Variants in INSRR observed in about 807,000 individuals in gnomAD.
INSRR encodes the protein insulin receptor-related protein.
INSRR carries 114 observed loss-of-function variants against 130.0 expected under a neutral mutation model. That is an observed-to-expected ratio of 0.88 (90% CI 0.75 to 1.02). The LOEUF (loss-of-function observed/expected upper bound fraction) is 1.02. INSRR is among the 50% of genes least tolerant of loss of function. The pLI is 0.00. For missense variants in INSRR, 1,657 were observed against 1,735.2 expected (o/e 0.95, Z 0.80); for synonymous variants, 674 against 705.2 (o/e 0.96, Z 0.70).
intron 7 of INSRR, 40 bp from the exon 8 acceptor site, chr1:156,846,797 C>T (rs368291538): frequency 1.5e-5 from 23 of 1,534,328 alleles, no homozygotes; most frequent in Non-Finnish European, 2.1e-5. Flanking sequence ...CATTCAACCC[C>T]ACCCTCAAGT....
At chr1:156,850,466 C>A (rs1655162972) in intron 5 of INSRR, among the ~76,000 whole-genome samples, 1 of 151,524 alleles carries the variant, frequency 6.6e-6, no homozygotes, top group Non-Finnish European at 1.5e-5. Flanking sequence ...TCCTGCCTTG[C>A]CCTCCCAAAG....
intron 21 of INSRR, 28 bp downstream of exon 21, chr1:156,841,366 T>C: frequency 1.9e-6 from 3 of 1,607,946 alleles, no homozygotes; most frequent in Non-Finnish European, 2.6e-6. Flanking sequence ...AGATCAACAA[T>C]GAGGAAGGGG....
Position 156,858,625 on chromosome 1 carries a change from C to T in INSRR, c.-4G>A, listed in dbSNP as rs1231330694. ...GCCACAGACTAGGCACTGCCATTGT[C>T]CCAGCCCTGGCTTGTGTCCAGTCCC... On this transcript the variant is annotated 5_prime_UTR_variant, in exon 1 of 22. Coordinates refer to ENST00000368195, the MANE Select transcript of INSRR (RefSeq NM_014215.3). 6.2e-6 allele frequency: 10 copies of T among 1,613,750 alleles called. No individual in the cohort carries two copies. Among genetic ancestry groups the T allele is most frequent in the Non-Finnish European group, 8.5e-7 (1 of 1,179,702 alleles).
Position 156,841,075 on chromosome 1 carries a change from G to C in INSRR, c.3692C>G (p.Pro1231Arg), listed in dbSNP as rs778994457. The C allele has an allele frequency of 1.3e-6, 2 of 1,570,624 alleles. No homozygotes were observed. Among genetic ancestry groups the C allele is most frequent in the Non-Finnish European group, 1.7e-6 (2 of 1,157,632 alleles). ...LQELMSRCWQ[P>R]NPRLRPSFTH... is the part of the protein sequence containing the mutation. ...GAAAGATGGGCGCAGGCGTGGGTTC[G>C]GCTGCCAGCAGCGGCTCATCAGCTC... Residue 1231 changes from proline (P) to arginine (R), a missense_variant, in exon 22 of 22, where the codon CCG (proline) becomes CGG (arginine). By Grantham distance (103) the Pro-to-Arg change is moderately radical. Coordinates refer to ENST00000368195, the MANE Select transcript of INSRR (RefSeq NM_014215.3).
chr1:156,844,341 T>C (rs1571658948), intron 14 of INSRR, 61 bp from the exon 15 acceptor site: 1 of 1,554,102 alleles, frequency 6.4e-7, no homozygotes, highest in East Asian at 2.3e-5. Context: ...GGGAAGGTCA[T>C]GCTTCTCTTT....
At chr1:156,853,698 C>G (rs938862822) in intron 2 of INSRR, 54 bp downstream of exon 2, 36 of 1,528,500 alleles carry the variant, frequency 2.4e-5, no homozygotes, top group Admixed American at 3.6e-5. Context: ...CACCCAGCCC[C>G]ATGTGACCCT....
chr1:156,846,654 C>T lies in INSRR; in HGVS notation c.1675G>A (p.Gly559Arg), dbSNP rs1309275658. ...ELPLSRTQEP[G>R]VTLASLKPWT... Reference sequence around the variant, plus strand: ...GGCTTGAGGGAGGCTAGGGTCACCCCTGGCTCCTGGGTGCGGCTTAGGGGC... The same window carrying T: ...GGCTTGAGGGAGGCTAGGGTCACCCTTGGCTCCTGGGTGCGGCTTAGGGGC... Residue 559 changes from glycine (G) to arginine (R), a missense_variant, in exon 8 of 22, where the codon GGG becomes AGG. By Grantham distance (125) the Gly-to-Arg change is moderately radical (BLOSUM62 -2). Transcript: ENST00000368195. The T allele has an allele frequency of 1.2e-6, 2 of 1,614,194 alleles. No individual in the cohort carries two copies. The highest frequency in any genetic ancestry group is 1.7e-6 in the Non-Finnish European group (2 of 1,180,022).
Position 156,850,530 on chromosome 1 carries a change from CA to C in INSRR, c.1229+759del, listed in dbSNP as rs1401352954. On this transcript the variant is annotated intron_variant, in intron 5 of 21. Transcript: ENST00000368195. ...GCCCGACCTGGATGGTAATTTAAAA[CA>C]TTCTTTTTTTTTTTTTTTTTTTTTT... Among the ~76,000 whole-genome samples, 190 of 107,160 alleles carry C rather than the reference CA, an allele frequency of 1.8e-3. 2 individuals are homozygous for C. Among genetic ancestry groups the C allele is most frequent in the African/African-American group, 7.1e-3 (184 of 25,896 alleles). The allele number at this position is 107,160 out of a possible 152,430, so 70.3% of individuals were successfully genotyped here.
chr1:156,845,772 C>T lies in INSRR; in HGVS notation c.2021G>A (p.Gly674Asp). The change falls in exon 10 of 22, where the codon GGC (glycine) becomes GAC (aspartate). Residue 674 changes from glycine (G) to aspartate (D), a missense_variant. Transcript: ENST00000368195. ...CTCGGCCTCAGGATCCCCGTCTTCG[C>T]CGTCGAAGCGCGGATCGTTGTTGCT... Reference protein sequence around the residue: ...PTSNNDPRFDGEDGDPEAEME... With the variant: ...PTSNNDPRFDDEDGDPEAEME... 7 of 1,613,310 alleles carry T rather than the reference C, an allele frequency of 4.3e-6. No individual in the cohort carries two copies. Among genetic ancestry groups the T allele is most frequent in the Non-Finnish European group, 5.9e-6 (7 of 1,179,962 alleles).
rs1481153772 is a variant in INSRR, at chr1:156,853,771, G to A, written c.618C>T (p.Thr206=). The A allele has an allele frequency of 6.2e-7, 1 of 1,601,892 alleles. No homozygotes were observed. Among genetic ancestry groups the A allele is most frequent in the Admixed American group, 1.7e-5 (1 of 59,810 alleles). The change falls in exon 2 of 22, where the codon ACC becomes ACT. Residue 206 remains threonine, a synonymous_variant. Transcript: ENST00000368195. ...FSGHTDYRCW[T]SSHCQRVCPC... is the part of the protein sequence containing the mutation. Reference sequence around the variant, plus strand: ...GCCCACCTCTCTGGCAGTGGCTGGAGGTCCAGCATCTGTAGTCAGTGTGCC... The same window carrying A: ...GCCCACCTCTCTGGCAGTGGCTGGAAGTCCAGCATCTGTAGTCAGTGTGCC...
rs1655308129 is a variant in INSRR, at chr1:156,853,686, G to A, written c.637+66C>T. On this transcript the variant is annotated intron_variant, in intron 2 of 21. Transcript: ENST00000368195. ...AAGTACTGACCCACACCATCCTGTG[G>A]CCACCCAGCCCCATGTGACCCTGCT... 10 of 1,483,514 alleles carry A rather than the reference G, an allele frequency of 6.7e-6. No homozygotes were observed. In the South Asian group the frequency reaches 1.1e-4, roughly 17 times the overall value. The allele number at this position is 1,483,514 out of a possible 1,614,324, so 91.9% of individuals were successfully genotyped here.
At position 156,851,900 on chromosome 1, in the gene INSRR, C is replaced by T. The variant is rs199625191; in HGVS notation, c.929G>A (p.Arg310His). The T allele has an allele frequency of 2.1e-5, 33 of 1,585,038 alleles. No individual in the cohort carries two copies. The highest frequency in any genetic ancestry group is 4.5e-5 in the East Asian group (2 of 44,418). Residue 310 changes from arginine (R) to histidine (H), a missense_variant, in exon 3 of 22, where the codon CGT (arginine) becomes CAT (histidine). Transcript: ENST00000368195. ...CLAQCPSGFT[R>H]NSSSIFCHKC... ...TCCCTACACTCACCTGCTGCTATTA[C>T]GGGTGAAGCCAGAAGGGCACTGGGC...
At chr1:156,845,456 A>G (rs768437998) in intron 10 of INSRR, 43 bp from the exon 11 acceptor site, 2 of 1,523,338 alleles carry the variant, frequency 1.3e-6, no homozygotes, top group Admixed American at 2.2e-5. Context: ...GTCCGGATGC[A>G]CCCCTGTGCC....
chr1:156,845,007 C>A, intron 12 of INSRR, 69 bp downstream of exon 12: 1 of 1,546,094 alleles, frequency 6.5e-7, no homozygotes. Context: ...AGAAGTCAAA[C>A]CCCAAACCTT....
chr1:156,841,157 C>T, intron 21 of INSRR, 53 bp from the exon 22 acceptor site: 1 of 1,369,256 alleles, frequency 7.3e-7, no homozygotes, highest in Non-Finnish European at 1.0e-6. Flanking sequence ...CTGCCACGCT[C>T]TCAGCCTCCT....
chr1:156,859,038 C>T lies in INSRR; in HGVS notation c.-417G>A, dbSNP rs978051850. On this transcript the variant is annotated 5_prime_UTR_variant, in exon 1 of 22. Coordinates refer to ENST00000368195, the MANE Select transcript of INSRR (RefSeq NM_014215.3). This position sits in a 1 kb window ranked among gnomAD's most constrained non-coding sequence, Gnocchi z 6.2. ...CGGGGGTCCCGGGGCGCGTGGGACTCCGCAGGGAGAGTCTCCCTGGATCCC... is the reference window on the plus strand; with the variant it reads ...CGGGGGTCCCGGGGCGCGTGGGACTTCGCAGGGAGAGTCTCCCTGGATCCC... 1 of 182,078 alleles carries T rather than the reference C, an allele frequency of 5.5e-6. No homozygotes were observed. Among genetic ancestry groups the T allele is most frequent in the Non-Finnish European group, 1.2e-5 (1 of 85,526 alleles). 11.3% of individuals were successfully genotyped at this position (182,078 alleles called of 1,614,324 possible).
At chr1:156,842,067 T>G (rs752394184) in intron 19 of INSRR, 45 bp downstream of exon 19, 6 of 1,611,106 alleles carry the variant, frequency 3.7e-6, no homozygotes, top group Non-Finnish European at 5.1e-6. Context: ...TAAGGGAGTC[T>G]CTCTACTTTT....
rs1487279441 is a variant in INSRR at position 156,845,920 on chromosome 1, C to T, written c.1978+32G>A. 3.7e-6 allele frequency: 6 copies of T among 1,603,814 alleles called. No individual in the cohort carries two copies. In the East Asian group the frequency reaches 6.8e-5, roughly 18 times the overall value. ...CTCCATCTCCCCTTCCCCACCCGCCCCGCGGCCGGCCTGCGCGTCGTCCCT... is the reference window on the plus strand; with the variant it reads ...CTCCATCTCCCCTTCCCCACCCGCCTCGCGGCCGGCCTGCGCGTCGTCCCT... On this transcript the variant is annotated intron_variant, in intron 9 of 21. Coordinates refer to ENST00000368195, the MANE Select transcript of INSRR (RefSeq NM_014215.3).
rs368034056 is a variant in INSRR, at chr1:156,851,710, C to T, written c.1020G>A (p.Ala340=). 22 of 1,614,082 alleles carry T rather than the reference C, an allele frequency of 1.4e-5. No individual in the cohort carries two copies. Among genetic ancestry groups the T allele is most frequent in the South Asian group, 4.4e-5 (4 of 91,084 alleles). Residue 340 remains alanine (A), a synonymous_variant, in exon 4 of 22, where the codon GCG becomes GCA. Coordinates refer to ENST00000368195, the MANE Select transcript of INSRR (RefSeq NM_014215.3). Reference sequence around the variant, plus strand: ...GCGTGCAGCCCACAAGATCCTGTGCCGCCTGGATGGAGTCGATGGTCTTGG... The same window carrying T: ...GCGTGCAGCCCACAAGATCCTGTGCTGCCTGGATGGAGTCGATGGTCTTGG... ...VGTKTIDSIQ[A]AQDLVGCTHV...
Sources: gnomAD v4.1 joint callset for allele counts (sites outside exome capture counted in the v4.1 genomes callset) on GRCh38, gnomAD v4.1.1 for gene constraint, Gnocchi (gnomAD v3.1) non-coding constraint, MANE v1.5 for transcripts, NCBI Gene and HGNC (gene_info 2026-07-23, HGNC 2026-07-21) for gene names.